TRPC4: variants seen among roughly 807,000 people sequenced by gnomAD.
TRPC4 encodes the protein short transient receptor potential channel 4.
TRPC4 carries 49 observed loss-of-function variants against 99.4 expected under a neutral mutation model. The ratio of observed to expected loss-of-function variants is 0.49; its 90% CI spans 0.39 to 0.63. The LOEUF (loss-of-function observed/expected upper bound fraction) is 0.63, where lower values mean the gene tolerates loss of function less well. TRPC4 is among the 20% of genes least tolerant of loss of function. The pLI is 0.00. For missense variants in TRPC4, 898 were observed against 1,152.9 expected (o/e 0.78, Z 3.20); for synonymous variants, 454 against 425.9 (o/e 1.07, Z -0.81).
chr13:37,799,726 C>G (rs1416922185), intron 1 of TRPC4, among the ~76,000 whole-genome samples: 1 of 152,182 alleles, frequency 6.6e-6, no homozygotes, highest in East Asian at 1.9e-4. Context: ...TTACTGCAAT[C>G]ACATTGTAAT....
chr13:37,692,030 G>A lies in TRPC4; in HGVS notation c.1203C>T (p.Ile401=), dbSNP rs780024877. ...CCCACGGTAATATCATCCACTCGAC[G>A]ATGGTTGGTGGTGGACCTTGCCTGT... ...DLNRQGPPPT[I]VEWMILPWVL... is the part of the protein sequence containing the mutation. The change falls in exon 4 of 11, where the codon ATC becomes ATT. Residue 401 remains isoleucine (I), a synonymous_variant. Transcript: ENST00000379705. The A allele has an allele frequency of 5.6e-6, 9 of 1,613,760 alleles. No individual in the cohort carries two copies. The highest frequency in any genetic ancestry group is 2.2e-5 in the South Asian group (2 of 91,060).
Position 37,851,947 on chromosome 13 carries a change from A to T in TRPC4, c.-28+17648T>A, listed in dbSNP as rs140315595. Among the ~76,000 whole-genome samples, 479 of 152,224 alleles carry T rather than the reference A, an allele frequency of 3.1e-3. 5 individuals carry two copies. The highest frequency in any genetic ancestry group is 0.011 in the African/African-American group (454 of 41,528). On this transcript the variant is annotated intron_variant, in intron 1 of 10. Transcript: ENST00000379705. ...TGCACAGAGGGAGCATTTGAACTAG[A>T]CCTAGCCAGGTGGGAATTGCCTATC...
chr13:37,663,640 A>G lies in TRPC4; in HGVS notation c.1464T>C (p.Ser488=). 6.2e-7 allele frequency: 1 copy of G among 1,614,164 alleles called. No individual in the cohort carries two copies. Among genetic ancestry groups the G allele is most frequent in the Non-Finnish European group, 8.5e-7 (1 of 1,180,004 alleles). ...EALFAIANIF[S]SLRLISLFTA... is the part of the protein sequence containing the mutation. ...TAAACAGTGAGATCAGACGCAGAGAACTGAAGATGTTTGCAATAGCAAATA... is the reference window on the plus strand; with the variant it reads ...TAAACAGTGAGATCAGACGCAGAGAGCTGAAGATGTTTGCAATAGCAAATA... Residue 488 remains serine, a synonymous_variant, in exon 6 of 11, where the codon AGT becomes AGC. Transcript: ENST00000379705.
intron 7 of TRPC4, among the ~76,000 whole-genome samples, chr13:37,654,782 G>A (rs1952169140): frequency 6.6e-6 from 1 of 152,110 alleles, no homozygotes; most frequent in Non-Finnish European, 1.5e-5. Flanking sequence ...TATTGTACAC[G>A]GCGCAGAGAT....
At chr13:37,735,890 CTGTTTTA>C (rs915027162) in intron 3 of TRPC4, among the ~76,000 whole-genome samples, 1 of 152,070 alleles carries the variant, frequency 6.6e-6, no homozygotes, top group African/African-American at 2.4e-5. Context: ...CTACAATTTG[CTGTTTTA>C]TGTTTTATAA....
At chr13:37,642,385 G>A (rs1285096462) in intron 8 of TRPC4, among the ~76,000 whole-genome samples, 1 of 152,132 alleles carries the variant, frequency 6.6e-6, no homozygotes, top group Non-Finnish European at 1.5e-5. Flanking sequence ...GCTGTGGAAT[G>A]TACCTCCTAC....
intron 1 of TRPC4, among the ~76,000 whole-genome samples, chr13:37,855,578 T>C (rs1460765639): frequency 1.3e-5 from 2 of 151,748 alleles, no homozygotes. Context: ...CTGCAGAATA[T>C]ACATTCCTTG....
chr13:37,858,797 G>T (rs1190568836), intron 1 of TRPC4, among the ~76,000 whole-genome samples: 2 of 151,506 alleles, frequency 1.3e-5, no homozygotes, highest in Non-Finnish European at 3.0e-5. Context: ...GGTAATGGGG[G>T]TTGAGAGGGA....
chr13:37,700,874 T>C (rs1954082558), intron 3 of TRPC4, among the ~76,000 whole-genome samples: 1 of 152,194 alleles, frequency 6.6e-6, no homozygotes, highest in Non-Finnish European at 1.5e-5. Context: ...CTCTAATCTC[T>C]TTTCTGTCTC....
In TRPC4 at chr13:37,745,483, C is replaced by T. The variant is rs1566138470; in HGVS notation, c.897+454G>A. ...ATATATATATATATATACACACACACACACACTTATATATACGTATATATG... is the reference window on the plus strand; with the variant it reads ...ATATATATATATATATACACACACATACACACTTATATATACGTATATATG... On this transcript the variant is annotated intron_variant, in intron 3 of 10. Coordinates refer to ENST00000379705, the MANE Select transcript of TRPC4 (RefSeq NM_016179.4). 3.1e-4 allele frequency among the ~76,000 whole-genome samples: 37 copies of T among 119,716 alleles called. 1 individual carries two copies. Among genetic ancestry groups the T allele is most frequent in the Admixed American group, 6.5e-4 (8 of 12,222 alleles). 78.5% of individuals were successfully genotyped at this position (119,716 alleles called of 152,430 possible).
At chr13:37,806,966 T>C (rs1957542239) in intron 1 of TRPC4, among the ~76,000 whole-genome samples, 1 of 152,056 alleles carries the variant, frequency 6.6e-6, no homozygotes, top group Non-Finnish European at 1.5e-5. Flanking sequence ...TTAATCTCTA[T>C]TCCCAGAGAA....
At chr13:37,791,992 T>C (rs965306296) in intron 1 of TRPC4, among the ~76,000 whole-genome samples, 6 of 152,128 alleles carry the variant, frequency 3.9e-5, no homozygotes, top group African/African-American at 1.4e-4. Flanking sequence ...GACAAGGACT[T>C]TGAAATTCAT....
chr13:37,765,528 T>C (rs1472858568), intron 2 of TRPC4, among the ~76,000 whole-genome samples: 1 of 151,468 alleles, frequency 6.6e-6, no homozygotes, highest in East Asian at 1.9e-4. Context: ...ATTATAATAG[T>C]TACACAATAT....
At chr13:37,721,004 A>C (rs1954849439) in intron 3 of TRPC4, among the ~76,000 whole-genome samples, 1 of 152,196 alleles carries the variant, frequency 6.6e-6, no homozygotes. Flanking sequence ...TGAAGAAAAG[A>C]ACTATTAGGA....
chr13:37,766,249 A>G (rs1386712126), intron 2 of TRPC4, among the ~76,000 whole-genome samples: 1 of 151,452 alleles, frequency 6.6e-6, no homozygotes, highest in Non-Finnish European at 1.5e-5. Context: ...TGCAGCAGGA[A>G]AGTAGGAAAG....
rs1485898329 is a variant in TRPC4 at position 37,782,997 on chromosome 13, C to T, written c.337G>A (p.Glu113Lys). ...AIRKEVVGAV[E>K]LLLNHKKPSG... ...GGTTTTTTGTGGTTCAATAACAGCT[C>T]AACAGCTCCGACGACTTCTTTTCTG... The change falls in exon 2 of 11, where the codon GAG (glutamate) becomes AAG (lysine). Residue 113 changes from glutamate to lysine, a missense_variant. Glu to Lys is a moderately conservative substitution (Grantham distance 56). Coordinates refer to ENST00000379705, the MANE Select transcript of TRPC4 (RefSeq NM_016179.4). 1.9e-6 allele frequency: 3 copies of T among 1,598,588 alleles called. No homozygotes were observed. Among genetic ancestry groups the T allele is most frequent in the Admixed American group, 1.7e-5 (1 of 58,402 alleles).
At chr13:37,858,071 A>G (rs1404028602) in intron 1 of TRPC4, among the ~76,000 whole-genome samples, 1 of 151,788 alleles carries the variant, frequency 6.6e-6, no homozygotes, top group African/African-American at 2.4e-5. Context: ...CTCTATAGGT[A>G]AAAATCTAAT....
intron 2 of TRPC4, among the ~76,000 whole-genome samples, chr13:37,766,915 A>C (rs545470002): frequency 2.6e-5 from 4 of 151,560 alleles, no homozygotes; most frequent in African/African-American, 9.6e-5. Context: ...TACTCTAATG[A>C]TATTAAAAAT....
chr13:37,841,926 G>C (rs986943743), intron 1 of TRPC4, among the ~76,000 whole-genome samples: 2 of 151,996 alleles, frequency 1.3e-5, no homozygotes, highest in Non-Finnish European at 2.9e-5. Context: ...CATTCAAACA[G>C]ACATCTTAAA....
Sources: gnomAD v4.1 joint callset for allele counts (sites outside exome capture counted in the v4.1 genomes callset) on GRCh38, gnomAD v4.1.1 for gene constraint, MANE v1.5 for transcripts, NCBI Gene and HGNC (gene_info 2026-07-23, HGNC 2026-07-21) for gene names.